Variants in PLEKHA6 observed in about 807,000 individuals in gnomAD.
PLEKHA6 encodes pleckstrin homology domain-containing family A member 6.
PLEKHA6 carries 60 observed loss-of-function variants against 116.7 expected under a neutral mutation model. That is an observed-to-expected ratio of 0.51 (90% CI 0.42 to 0.64). The LOEUF (loss-of-function observed/expected upper bound fraction) is 0.64, where lower values mean the gene tolerates loss of function less well. Ranked by LOEUF, PLEKHA6 falls within the 30% of genes least tolerant of loss-of-function variation. The pLI, the probability that PLEKHA6 is intolerant of heterozygous loss-of-function variation, is 0.00. For missense variants in PLEKHA6, 1,338 were observed against 1,422.7 expected (o/e 0.94, Z 0.96); for synonymous variants, 489 against 556.1 (o/e 0.88, Z 1.70).
chr1:204,319,554 TC>T (rs1423227480), intron 1 of PLEKHA6, among the ~76,000 whole-genome samples: 1 of 152,086 alleles, frequency 6.6e-6, no homozygotes, highest in Admixed American at 6.6e-5. Context: ...TCCCCATACA[TC>T]CCCTGTCCCC....
chr1:204,346,541 C>T (rs989843604), intron 1 of PLEKHA6, among the ~76,000 whole-genome samples: 2 of 152,156 alleles, frequency 1.3e-5, no homozygotes, highest in Non-Finnish European at 2.9e-5. Flanking sequence ...GGTTAATACA[C>T]ACCCACACTC....
rs959904541 is a variant in PLEKHA6 at position 204,282,664 on chromosome 1, G to A, written c.-94-7855C>T. Reference sequence around the variant, plus strand: ...CTCAACACTGAAGTGTCTTCCAATTGTGGGGAACTGCGATTCTACCACCCA... The same window carrying A: ...CTCAACACTGAAGTGTCTTCCAATTATGGGGAACTGCGATTCTACCACCCA... On this transcript the variant is annotated intron_variant, in intron 1 of 22. Transcript: ENST00000272203. 5.1e-6 allele frequency: 5 copies of A among 985,256 alleles called. No homozygotes were observed. The African/African-American group carries it at 8.7e-5, about 17-fold the overall frequency. 61.0% of individuals were successfully genotyped at this position (985,256 alleles called of 1,614,324 possible). A position where few individuals can be genotyped will look rare whatever the true frequency, so the allele number is the denominator to read the frequency against.
intron 1 of PLEKHA6, among the ~76,000 whole-genome samples, chr1:204,316,002 C>T (rs1047307916): frequency 2.6e-5 from 4 of 152,182 alleles, no homozygotes; most frequent in African/African-American, 9.7e-5. Context: ...GGAATGCTTC[C>T]TATTTATAAG....
chr1:204,331,786 A>T (rs1199669738), intron 1 of PLEKHA6, among the ~76,000 whole-genome samples: 1 of 152,094 alleles, frequency 6.6e-6, no homozygotes, highest in African/African-American at 2.4e-5. Context: ...GGCCCCTGGG[A>T]ACATGGAAAC....
At chr1:204,340,897 G>A (rs1672822437) in intron 1 of PLEKHA6, among the ~76,000 whole-genome samples, 1 of 152,242 alleles carries the variant, frequency 6.6e-6, no homozygotes. Flanking sequence ...GAAACACAGA[G>A]AAGGAGCTAA....
chr1:204,251,392 A>G (rs1664536057), intron 9 of PLEKHA6: 1 of 576,952 alleles, frequency 1.7e-6, no homozygotes, highest in South Asian at 2.1e-5. Context: ...GAATTAAGGA[A>G]GGAAGACCAG....
chr1:204,309,723 A>T, intron 1 of PLEKHA6: 1 of 909,978 alleles, frequency 1.1e-6, no homozygotes, highest in African/African-American at 1.8e-5. Flanking sequence ...AGATAGTATC[A>T]ATTTAGTATG....
intron 21 of PLEKHA6, among the ~76,000 whole-genome samples, chr1:204,227,061 A>C (rs1477237498): frequency 6.6e-6 from 1 of 152,222 alleles, no homozygotes; most frequent in African/African-American, 2.4e-5. Context: ...ATGGAGCCTC[A>C]GAGCACCAGA....
At chr1:204,281,348 A>G (rs551106254) in intron 1 of PLEKHA6, among the ~76,000 whole-genome samples, 1 of 152,222 alleles carries the variant, frequency 6.6e-6, no homozygotes, top group East Asian at 1.9e-4. Flanking sequence ...ACACAGTGAA[A>G]CCCTGTCTCT....
chr1:204,226,444 C>T (rs1395795935), intron 21 of PLEKHA6, among the ~76,000 whole-genome samples: 1 of 152,186 alleles, frequency 6.6e-6, no homozygotes, highest in Non-Finnish European at 1.5e-5. Flanking sequence ...GTTTTTAAAC[C>T]AGCCTTGTCT....
In PLEKHA6 at chr1:204,261,241, G is replaced by C. The variant is rs554580620; in HGVS notation, c.524+65C>G. The C allele has an allele frequency of 8.3e-6, 13 of 1,572,624 alleles. No individual in the cohort carries two copies. Among genetic ancestry groups the C allele is most frequent in the Non-Finnish European group, 1.1e-5 (12 of 1,142,416 alleles). On this transcript the variant is annotated intron_variant, in intron 7 of 22. Transcript: ENST00000272203. This position sits in a 1 kb window ranked among gnomAD's most constrained non-coding sequence, Gnocchi z 4.0. ...CTGGGATTAGCAATGGCCCAGAGCT[G>C]GGTGTGTCTTCCATTCCCCTCTTTA...
At position 204,263,882 on chromosome 1, in the gene PLEKHA6, C is replaced by T. The variant is rs184065488; in HGVS notation, c.381+1060G>A. Among the ~76,000 whole-genome samples, 425 of 152,302 alleles carry T rather than the reference C, an allele frequency of 2.8e-3. 8 individuals are homozygous for T. Among genetic ancestry groups the T allele is most frequent in the Non-Finnish European group, 5.4e-4 (37 of 68,022 alleles). ...TCATTCTCTTCACACCTCTGGCATA[C>T]AAGACCCCGGGAGGCTGGAAACTAA... On this transcript the variant is annotated intron_variant, in intron 6 of 22. Transcript: ENST00000272203.
Position 204,257,641 on chromosome 1 carries a change from G to A in PLEKHA6, c.1236C>T (p.Pro412=), listed in dbSNP as rs375730346. ...PAYQLREWKE[P]ASYGRQDATV... ...TGGCATCCTGCCGCCCGTAGCTGGC[G>A]GGCTCCTTCCACTCTCGCAGCTGGT... The change falls in exon 9 of 23, where the codon CCC becomes CCT. Residue 412 remains proline (P), a synonymous_variant. Transcript: ENST00000272203. This position sits in a 1 kb window ranked among gnomAD's most constrained non-coding sequence, Gnocchi z 6.5. The A allele has an allele frequency of 4.1e-5, 66 of 1,609,518 alleles. No individual in the cohort carries two copies. The highest frequency in any genetic ancestry group is 8.9e-5 in the East Asian group (4 of 44,814).
chr1:204,229,220 T>C, intron 18 of PLEKHA6, 116 bp from the exon 19 acceptor site: 2 of 957,770 alleles, frequency 2.1e-6, no homozygotes, highest in Non-Finnish European at 3.1e-6. Flanking sequence ...GCCACCCCAC[T>C]GCTCCCACCA....
At chr1:204,272,895 A>G (rs149971945) in intron 3 of PLEKHA6, among the ~76,000 whole-genome samples, 5 of 152,314 alleles carry the variant, frequency 3.3e-5, no homozygotes, top group African/African-American at 1.2e-4. Context: ...GTGATGATAT[A>G]CTACCATTTG....
At chr1:204,356,025 G>A (rs756819314) in intron 1 of PLEKHA6, among the ~76,000 whole-genome samples, 77 of 151,782 alleles carry the variant, frequency 5.1e-4, no homozygotes, top group Non-Finnish European at 9.0e-4. Context: ...CTCAGACACA[G>A]CTGCGAGGAA....
At chr1:204,346,351 C>T (rs1193545266) in intron 1 of PLEKHA6, among the ~76,000 whole-genome samples, 1 of 152,062 alleles carries the variant, frequency 6.6e-6, no homozygotes, top group Non-Finnish European at 1.5e-5. Context: ...CTCTCACTCT[C>T]ACCCCCCTAG....
intron 3 of PLEKHA6, among the ~76,000 whole-genome samples, chr1:204,270,039 C>A (rs901123805): frequency 6.6e-6 from 1 of 152,208 alleles, no homozygotes; most frequent in Non-Finnish European, 1.5e-5. Flanking sequence ...CACTCCTAAA[C>A]CTCCTCTACC....
upstream of PLEKHA6, among the ~76,000 whole-genome samples, chr1:204,362,200 G>A (rs1009570710): frequency 3.9e-5 from 6 of 152,192 alleles, no homozygotes; most frequent in Non-Finnish European, 8.8e-5. Flanking sequence ...GAGGCGGATG[G>A]ACCAGAGATA....
Sources: gnomAD v4.1 joint callset for allele counts (sites outside exome capture counted in the v4.1 genomes callset) on GRCh38, gnomAD v4.1.1 for gene constraint, Gnocchi (gnomAD v3.1) non-coding constraint, MANE v1.5 for transcripts, NCBI Gene and HGNC (gene_info 2026-07-23, HGNC 2026-07-21) for gene names.